MSH3: variants seen among roughly 807,000 people sequenced by gnomAD.
The protein encoded by MSH3 is mutS homolog 3, also known as DNA mismatch repair protein Msh3.
A neutral mutation model predicts 123.3 loss-of-function variants in MSH3; 106 were observed. The ratio of observed to expected loss-of-function variants is 0.86; its 90% CI spans 0.73 to 1.01. MSH3 has a LOEUF of 1.01. Ranked by LOEUF, MSH3 falls within the 50% of genes least tolerant of loss-of-function variation. MSH3 has a pLI of 0.00. For missense variants in MSH3, 1,459 were observed against 1,347.6 expected (o/e 1.08, Z -1.29); for synonymous variants, 515 against 481.4 (o/e 1.07, Z -0.91).
At chr5:80,801,256 G>A (rs1026890008) in intron 19 of MSH3, among the ~76,000 whole-genome samples, 7 of 152,230 alleles carry the variant, frequency 4.6e-5, no homozygotes, top group African/African-American at 1.7e-4. Context: ...ATTGTGGGCA[G>A]AGGAGAAGCA....
At chr5:80,818,430 G>T (rs1243249573) in intron 20 of MSH3, among the ~76,000 whole-genome samples, 2 of 149,898 alleles carry the variant, frequency 1.3e-5, no homozygotes, top group African/African-American at 4.9e-5. Context: ...AAAGGTGGGG[G>T]AGAGAGGGAA....
In MSH3 at chr5:80,876,635, A is replaced by G. The variant is rs778691623; in HGVS notation, c.*773A>G. Reference sequence around the variant, plus strand: ...CAGAGCAAGACTCCATCTCAAAAAAAAAAAAAGAAAAAAGAAAAGAAATAG... The same window carrying G: ...CAGAGCAAGACTCCATCTCAAAAAAGAAAAAAGAAAAAAGAAAAGAAATAG... On this transcript the variant is annotated 3_prime_UTR_variant, in exon 24 of 24. Transcript: ENST00000265081. Among the ~76,000 whole-genome samples the G allele has an allele frequency of 3.6e-5, 4 of 111,768 alleles. No homozygotes were observed. In the Admixed American group the frequency reaches 3.7e-4, roughly 10 times the overall value. The allele number at this position is 111,768 out of a possible 152,430, so 73.3% of individuals were successfully genotyped here.
At chr5:80,754,374 A>G (rs1743886913) in intron 12 of MSH3, among the ~76,000 whole-genome samples, 1 of 152,054 alleles carries the variant, frequency 6.6e-6, no homozygotes, top group African/African-American at 2.4e-5. Context: ...GTTTTCCCTT[A>G]GTAGTATAAG....
rs746348952 is a variant in MSH3 at position 80,799,500 on chromosome 5, CTTTTTTTTTTTTTTTTTTTTT to C, written c.2655+6668_2655+6688del. Among the ~76,000 whole-genome samples, 5 of 32,318 alleles carry C rather than the reference CTTTTTTTTTTTTTTTTTTTTT, an allele frequency of 1.5e-4. No individual in the cohort carries two copies. The Admixed American group carries it at 1.7e-3, about 11-fold the overall frequency. The allele number at this position is 32,318 out of a possible 152,430, so 21.2% of individuals were successfully genotyped here. ...TTTATACCTGTCAAGGAAGATAGCA[CTTTTTTTTTTTTTTTTTTTTT>C]TTTTTTTTTTTACAGAAAATTAGCT... On this transcript the variant is annotated intron_variant, in intron 19 of 23. Coordinates refer to ENST00000265081, the MANE Select transcript of MSH3 (RefSeq NM_002439.5).
At position 80,719,072 on chromosome 5, in the gene MSH3, G is replaced by A. The variant is rs574166196; in HGVS notation, c.1341-6381G>A. Reference sequence around the variant, plus strand: ...GTATTTTTTTTTTTTTTTCTGAGACGGAGTCTTACTCTGTCGCCAGGCTGG... The same window carrying A: ...GTATTTTTTTTTTTTTTTCTGAGACAGAGTCTTACTCTGTCGCCAGGCTGG... On this transcript the variant is annotated intron_variant, in intron 8 of 23. Coordinates refer to ENST00000265081, the MANE Select transcript of MSH3 (RefSeq NM_002439.5). Among the ~76,000 whole-genome samples the A allele has an allele frequency of 1.0e-3, 153 of 149,296 alleles. 2 individuals carry two copies. In the South Asian group the frequency reaches 0.018, roughly 18 times the overall value.
chr5:80,863,340 A>C (rs1402143873), intron 21 of MSH3, among the ~76,000 whole-genome samples: 2 of 152,144 alleles, frequency 1.3e-5, no homozygotes, highest in Non-Finnish European at 2.9e-5. Context: ...TATATATTTT[A>C]GGGAGGCATG....
At chr5:80,808,837 C>G (rs900750350) in intron 19 of MSH3, among the ~76,000 whole-genome samples, 2 of 91,590 alleles carry the variant, frequency 2.2e-5, no homozygotes, top group African/African-American at 7.0e-5. Flanking sequence ...GACTTACTTA[C>G]TTTGGGTAAT....
At chr5:80,687,557 C>CTTT (rs762896948) in intron 8 of MSH3, among the ~76,000 whole-genome samples, 85 of 151,080 alleles carry the variant, frequency 5.6e-4, no homozygotes, top group Non-Finnish European at 8.5e-4. Flanking sequence ...GAATAGAAGG[C>CTTT]TTTGAGTTGG....
intron 20 of MSH3, among the ~76,000 whole-genome samples, chr5:80,853,411 G>A (rs1206568457): frequency 6.6e-6 from 1 of 151,892 alleles, no homozygotes; most frequent in East Asian, 1.9e-4. Context: ...GGAGGCAGAG[G>A]TTGTAGTGAG....
intron 17 of MSH3, among the ~76,000 whole-genome samples, chr5:80,784,059 A>G (rs540898292): frequency 6.6e-6 from 1 of 151,698 alleles, no homozygotes; most frequent in East Asian, 1.9e-4. Context: ...AAAGTACAAA[A>G]ATTTGCTGGG....
Position 80,675,103 on chromosome 5 carries a change from A to AC in MSH3, c.1148_1149insC (p.Lys383AsnfsTer21). ...AAGGAAAATGTTAGGGACAAAAAAA[A>AC]GGGCAACATTTTTATTGGCATTGTG... On this transcript the variant is annotated frameshift_variant, in exon 7 of 24. Coordinates refer to ENST00000265081, the MANE Select transcript of MSH3 (RefSeq NM_002439.5). LOFTEE classifies it high-confidence loss of function. The AC allele has an allele frequency of 6.2e-7, 1 of 1,613,858 alleles. No individual in the cohort carries two copies. Among genetic ancestry groups the AC allele is most frequent in the Non-Finnish European group, 8.5e-7 (1 of 1,179,876 alleles).
intron 21 of MSH3, among the ~76,000 whole-genome samples, chr5:80,858,085 C>T (rs530854437): frequency 6.6e-6 from 1 of 152,120 alleles, no homozygotes; most frequent in South Asian, 2.1e-4. Context: ...TGCTCTGTTA[C>T]CCAGGCTGGA....
chr5:80,664,657 C>A (rs961782292), intron 2 of MSH3, among the ~76,000 whole-genome samples: 18 of 152,144 alleles, frequency 1.2e-4, no homozygotes, highest in Admixed American at 2.0e-4. Flanking sequence ...TATTTTAGAA[C>A]CTCCCTTTAT....
intron 17 of MSH3, among the ~76,000 whole-genome samples, chr5:80,784,795 A>G (rs1325476099): frequency 3.3e-5 from 5 of 152,164 alleles, no homozygotes; most frequent in Non-Finnish European, 7.4e-5. Context: ...GTTGGTGGGA[A>G]TCGTATTATT....
chr5:80,656,292 C>T, intron 1 of MSH3, 119 bp from the exon 2 acceptor site: 1 of 1,338,872 alleles, frequency 7.5e-7, no homozygotes, highest in Non-Finnish European at 1.1e-6. Context: ...GTAGAGGATT[C>T]TTTGAAGAGT....
At chr5:80,805,582 C>G (rs1481886379) in intron 19 of MSH3, among the ~76,000 whole-genome samples, 2 of 78,196 alleles carry the variant, frequency 2.6e-5, no homozygotes, top group South Asian at 6.2e-4. Context: ...TATGATGCCC[C>G]CCCCCCCTAC....
chr5:80,868,807 T>A (rs1360556164), intron 22 of MSH3, among the ~76,000 whole-genome samples: 1 of 151,832 alleles, frequency 6.6e-6, no homozygotes. Context: ...GCTTCCATGT[T>A]CGAATTTATA....
At chr5:80,859,712 C>CTTTT (rs373044585) in intron 21 of MSH3, among the ~76,000 whole-genome samples, 1 of 130,152 alleles carries the variant, frequency 7.7e-6, no homozygotes, top group African/African-American at 2.9e-5. Context: ...CATTTTCTCT[C>CTTTT]TTTTTTTTTT....
rs1381446480 is a variant in MSH3 at position 80,672,596 on chromosome 5, C to G, written c.910-145C>G. 5.2e-6 allele frequency: 4 copies of G among 766,068 alleles called. No individual in the cohort carries two copies. In the African/African-American group the frequency reaches 7.0e-5, roughly 13 times the overall value. 47.5% of individuals were successfully genotyped at this position (766,068 alleles called of 1,614,324 possible). On this transcript the variant is annotated intron_variant, in intron 5 of 23. Transcript: ENST00000265081. ...AGTGTTTCTTAGCAAATTATCCACC[C>G]TTGTCAACTCCTTTAAACCCTACAT...
Sources: gnomAD v4.1 joint callset for allele counts (sites outside exome capture counted in the v4.1 genomes callset) on GRCh38, gnomAD v4.1.1 for gene constraint, MANE v1.5 for transcripts, NCBI Gene and HGNC (gene_info 2026-07-23, HGNC 2026-07-21) for gene names.